CAMTA1: variants seen among roughly 807,000 people sequenced by gnomAD.
CAMTA1 encodes the protein calmodulin binding transcription activator 1, also known as calmodulin-binding transcription activator 1.
In CAMTA1, 27 loss-of-function variants were observed where a neutral mutation model predicts 170.9. The observed-to-expected ratio is 0.16, with a 90% CI of 0.12 to 0.22. CAMTA1 has a LOEUF of 0.22. Among genes scored for constraint, CAMTA1 ranks in the 10% least tolerant of loss-of-function variants. CAMTA1 has a pLI of 1.00. For missense variants in CAMTA1, 1,619 were observed against 2,217.2 expected (o/e 0.73, Z 5.42); for synonymous variants, 833 against 891.5 (o/e 0.93, Z 1.17).
At chr1:6,899,484 A>G (rs1676385158) in intron 3 of CAMTA1, among the ~76,000 whole-genome samples, 1 of 151,652 alleles carries the variant, frequency 6.6e-6, no homozygotes, top group Non-Finnish European at 1.5e-5. Flanking sequence ...ATTTGATGGA[A>G]TGGCAGTGGA....
intron 3 of CAMTA1, among the ~76,000 whole-genome samples, chr1:7,025,592 A>G (rs974009710): frequency 1.2e-4 from 18 of 152,156 alleles, no homozygotes; most frequent in African/African-American, 4.3e-4. Flanking sequence ...CGGGGAGAGA[A>G]AGCTGAATAA....
chr1:7,312,339 T>C (rs925247245), intron 5 of CAMTA1, among the ~76,000 whole-genome samples: 2 of 152,020 alleles, frequency 1.3e-5, no homozygotes, highest in Non-Finnish European at 2.9e-5. Flanking sequence ...TTTCTTCTGC[T>C]CTCTTTGAGT....
rs76154932 is a variant in CAMTA1 at position 6,999,340 on chromosome 1, A to G, written c.235-91964A>G. ...GGCTCATGGTTTGGCAGGCTGTACA[A>G]GCATGGTGCTCATCACTTGGCTTCT... On this transcript the variant is annotated intron_variant, in intron 3 of 22. Coordinates refer to ENST00000303635, the MANE Select transcript of CAMTA1 (RefSeq NM_015215.4). 6.3e-3 allele frequency among the ~76,000 whole-genome samples: 964 copies of G among 152,326 alleles called. 7 individuals are homozygous for G. The highest frequency in any genetic ancestry group is 0.022 in the African/African-American group (898 of 41,562).
At chr1:6,957,550 G>A (rs538670477) in intron 3 of CAMTA1, among the ~76,000 whole-genome samples, 74 of 150,918 alleles carry the variant, frequency 4.9e-4, no homozygotes, top group Admixed American at 2.1e-3. Context: ...CCCTTCCTCC[G>A]TCGTCAAAGC....
At chr1:7,746,164 C>A in intron 18 of CAMTA1, 73 bp downstream of exon 18, 3 of 1,506,574 alleles carry the variant, frequency 2.0e-6, no homozygotes, top group Non-Finnish European at 2.7e-6. Context: ...CAGAATCATG[C>A]GAACAAAAAC....
chr1:6,805,873 C>G (rs1557589321), intron 1 of CAMTA1, among the ~76,000 whole-genome samples: 1 of 151,070 alleles, frequency 6.6e-6, no homozygotes, highest in African/African-American at 2.4e-5. Context: ...TCCCATTTAT[C>G]TGTTTTTTTG....
intron 5 of CAMTA1, among the ~76,000 whole-genome samples, chr1:7,460,410 T>A (rs1212925285): frequency 6.6e-6 from 1 of 152,196 alleles, no homozygotes; most frequent in Non-Finnish European, 1.5e-5. Context: ...TTGCCCGGCA[T>A]GTACACGCTC....
chr1:6,982,558 A>T (rs912960536), intron 3 of CAMTA1, among the ~76,000 whole-genome samples: 1 of 152,000 alleles, frequency 6.6e-6, no homozygotes, highest in East Asian at 1.9e-4. Flanking sequence ...CCTGAATTTC[A>T]CCCTCGGGAG....
intron 7 of CAMTA1, among the ~76,000 whole-genome samples, chr1:7,650,247 A>G (rs1363400120): frequency 2.0e-5 from 3 of 152,206 alleles, no homozygotes; most frequent in African/African-American, 7.2e-5. Flanking sequence ...CCTGGTAACA[A>G]TGCCGCTTCG....
At chr1:7,131,350 G>T (rs1279908249) in intron 4 of CAMTA1, among the ~76,000 whole-genome samples, 1 of 151,960 alleles carries the variant, frequency 6.6e-6, no homozygotes, top group Non-Finnish European at 1.5e-5. Context: ...CATGCTTTTG[G>T]CATCATATTT....
intron 11 of CAMTA1, among the ~76,000 whole-genome samples, chr1:7,719,931 G>A (rs950078882): frequency 2.6e-5 from 4 of 152,240 alleles, no homozygotes; most frequent in Non-Finnish European, 5.9e-5. Flanking sequence ...AGAGATGGAT[G>A]GCAGTGGGAG....
intron 3 of CAMTA1, among the ~76,000 whole-genome samples, chr1:6,950,275 T>C (rs1444946486): frequency 6.6e-6 from 1 of 152,226 alleles, no homozygotes; most frequent in African/African-American, 2.4e-5. Flanking sequence ...CTGGGGCCCA[T>C]GGAGGCTGTC....
At chr1:7,035,562 C>A (rs185175889) in intron 3 of CAMTA1, among the ~76,000 whole-genome samples, 11 of 152,292 alleles carry the variant, frequency 7.2e-5, no homozygotes, top group African/African-American at 2.6e-4. Flanking sequence ...TGTGGTGAGG[C>A]CCCAGCAGTT....
At chr1:7,296,852 A>G (rs2149528919) in intron 5 of CAMTA1, among the ~76,000 whole-genome samples, 1 of 152,152 alleles carries the variant, frequency 6.6e-6, no homozygotes, top group Non-Finnish European at 1.5e-5. Flanking sequence ...ATGACTAAAG[A>G]CTTAGACCCC....
intron 3 of CAMTA1, among the ~76,000 whole-genome samples, chr1:6,863,709 A>G (rs947993889): frequency 6.6e-6 from 1 of 152,218 alleles, no homozygotes; most frequent in African/African-American, 2.4e-5. Flanking sequence ...TGTGCACTCC[A>G]CACCTGTTTC....
chr1:7,767,974 T>C lies in CAMTA1; in HGVS notation c.*1483T>C, dbSNP rs1371837989. 2 of 152,600 alleles carry C rather than the reference T, an allele frequency of 1.3e-5. No individual in the cohort carries two copies. Among genetic ancestry groups the C allele is most frequent in the African/African-American group, 4.8e-5 (2 of 41,450 alleles). 9.5% of individuals were successfully genotyped at this position (152,600 alleles called of 1,614,324 possible). The stretch of plus-strand genomic sequence containing the variant: ...TTAGTTTATTTTATTTAAAATTTTT[T>C]TGCCAATGGTGCCAAGTAATGTGAA... On this transcript the variant is annotated 3_prime_UTR_variant, in exon 23 of 23. Transcript: ENST00000303635.
In CAMTA1 at chr1:7,337,566, A is replaced by C. The variant is rs72470172; in HGVS notation, c.438+87940A>C. The stretch of plus-strand genomic sequence containing the variant: ...GGCTGCATCCAATCACAGTGTGGGC[A>C]GTGGGCCTCATCCAATCACAGTGTG... On this transcript the variant is annotated intron_variant, in intron 5 of 22. Coordinates refer to ENST00000303635, the MANE Select transcript of CAMTA1 (RefSeq NM_015215.4). 2.8e-3 allele frequency among the ~76,000 whole-genome samples: 259 copies of C among 91,610 alleles called. 12 individuals carry two copies. Among genetic ancestry groups the C allele is most frequent in the Admixed American group, 0.02 (185 of 9,240 alleles). 60.1% of individuals were successfully genotyped at this position (91,610 alleles called of 152,430 possible).
intron 3 of CAMTA1, among the ~76,000 whole-genome samples, chr1:6,894,769 A>G (rs1000288524): frequency 6.6e-6 from 1 of 152,234 alleles, no homozygotes; most frequent in Non-Finnish European, 1.5e-5. Flanking sequence ...GGATATAAGA[A>G]TGCTAAATGG....
intron 7 of CAMTA1, among the ~76,000 whole-genome samples, chr1:7,656,819 C>T (rs2095907656): frequency 6.6e-6 from 1 of 152,244 alleles, no homozygotes; most frequent in Admixed American, 6.5e-5. Flanking sequence ...ATGGGCCACA[C>T]GCTGTTGTCA....
Sources: gnomAD v4.1 joint callset for allele counts (sites outside exome capture counted in the v4.1 genomes callset) on GRCh38, gnomAD v4.1.1 for gene constraint, MANE v1.5 for transcripts, NCBI Gene and HGNC (gene_info 2026-07-23, HGNC 2026-07-21) for gene names.